Variants in ERBB4 observed in about 807,000 individuals in gnomAD.
ERBB4 encodes the protein receptor tyrosine-protein kinase erbB-4.
In ERBB4, 42 loss-of-function variants were observed where a neutral mutation model predicts 158.0. The observed-to-expected ratio is 0.27, with a 90% CI of 0.21 to 0.34. The LOEUF is 0.34. ERBB4 is among the 10% of genes least tolerant of loss of function. The probability of loss-of-function intolerance (pLI) is 1.00; values close to 1 mark genes in which losing one functional copy is unlikely to be tolerated. For missense variants in ERBB4, 1,333 were observed against 1,624.1 expected (o/e 0.82, Z 3.08); for synonymous variants, 583 against 558.7 (o/e 1.04, Z -0.61).
intron 3 of ERBB4, among the ~76,000 whole-genome samples, chr2:211,857,752 G>C (rs1020151637): frequency 3.9e-5 from 6 of 152,166 alleles, no homozygotes; most frequent in African/African-American, 1.4e-4. Flanking sequence ...AGGTATACAT[G>C]AGATTATAGG....
At chr2:211,640,042 AATAGCC>A (rs1436238985) in intron 16 of ERBB4, among the ~76,000 whole-genome samples, 1 of 152,078 alleles carries the variant, frequency 6.6e-6, no homozygotes, top group Non-Finnish European at 1.5e-5. Context: ...TTTTTAAAGT[AATAGCC>A]TGGTTTGTTT....
chr2:211,842,695 C>T lies in ERBB4; in HGVS notation c.422-54536G>A, dbSNP rs567676906. Among the ~76,000 whole-genome samples, 5 of 152,164 alleles carry T rather than the reference C, an allele frequency of 3.3e-5. No homozygotes were observed. In the East Asian group the frequency reaches 7.7e-4, roughly 23 times the overall value. On this transcript the variant is annotated intron_variant, in intron 3 of 27. Coordinates refer to ENST00000342788, the MANE Select transcript of ERBB4 (RefSeq NM_005235.3). The stretch of plus-strand genomic sequence containing the variant: ...ATCACCTCACCTCCCGCCACTGACA[C>T]AAACACTGAGTTTATTTATATTCAA...
intron 22 of ERBB4, among the ~76,000 whole-genome samples, 198 bp from the exon 23 acceptor site, chr2:211,424,499 T>G (rs921222031): frequency 6.6e-6 from 1 of 152,082 alleles, no homozygotes; most frequent in African/African-American, 2.4e-5. Context: ...TTCAATTTTC[T>G]TATTATTGTC....
At chr2:211,561,517 G>A (rs2067391490) in intron 20 of ERBB4, among the ~76,000 whole-genome samples, 1 of 152,066 alleles carries the variant, frequency 6.6e-6, no homozygotes, top group Non-Finnish European at 1.5e-5. Context: ...AAACATAAAG[G>A]CTATTTTTAA....
chr2:212,354,369 G>A lies in ERBB4; in HGVS notation c.82+184080C>T, dbSNP rs115041428. The stretch of plus-strand genomic sequence containing the variant: ...TTATTAATAGGTCATAAGGAAAGGC[G>A]GCCAAAGCCTGAGCATGAGGGGTGC... On this transcript the variant is annotated intron_variant, in intron 1 of 27. Transcript: ENST00000342788. Among the ~76,000 whole-genome samples, 1,358 of 152,132 alleles carry A rather than the reference G, an allele frequency of 8.9e-3. 24 individuals carry two copies. The highest frequency in any genetic ancestry group is 0.031 in the African/African-American group (1,282 of 41,520).
chr2:212,236,240 T>C (rs6742273), intron 1 of ERBB4, among the ~76,000 whole-genome samples: 72,489 of 152,014 alleles, frequency 0.48, 17,704 homozygotes, highest in East Asian at 0.76. Context: ...GTTTTTGTCA[T>C]TGGTTTTGTT....
intron 1 of ERBB4, among the ~76,000 whole-genome samples, chr2:212,361,621 G>A (rs578028234): frequency 3.7e-4 from 56 of 151,816 alleles, no homozygotes; most frequent in Admixed American, 1.1e-3. Context: ...ATGGTTAGAA[G>A]AAAGCTTTTC....
At chr2:211,826,459 T>C (rs540137548) in intron 3 of ERBB4, among the ~76,000 whole-genome samples, 2 of 151,986 alleles carry the variant, frequency 1.3e-5, no homozygotes, top group South Asian at 4.1e-4. Flanking sequence ...TTTCCATCCA[T>C]AGCCCTTATT....
chr2:211,416,303 C>G (rs774698870), intron 25 of ERBB4, among the ~76,000 whole-genome samples: 2 of 151,604 alleles, frequency 1.3e-5, no homozygotes, highest in Non-Finnish European at 2.9e-5. Context: ...ACTCAAAAGA[C>G]CAAACTTAGC....
chr2:211,976,793 T>A (rs1195140779), intron 2 of ERBB4, among the ~76,000 whole-genome samples: 4 of 152,136 alleles, frequency 2.6e-5, no homozygotes, highest in African/African-American at 9.7e-5. Flanking sequence ...CTACAATGGC[T>A]AAGCTAAAAA....
chr2:212,124,740 C>T lies in ERBB4; in HGVS notation c.234+12G>A, dbSNP rs759595647. 2.5e-6 allele frequency: 4 copies of T among 1,613,970 alleles called. No homozygotes were observed. The highest frequency in any genetic ancestry group is 1.7e-5 in the Admixed American group (1 of 59,994). On this transcript the variant is annotated intron_variant, in intron 2 of 27. Transcript: ENST00000342788. ...CCATTCACAAAGAAGAGAAAGAAAG[C>T]CACAGCTTTACCCGCAGGAAGGAGA...
chr2:211,674,358 C>T (rs1332772427), intron 13 of ERBB4, among the ~76,000 whole-genome samples: 2 of 151,996 alleles, frequency 1.3e-5, no homozygotes, highest in Admixed American at 6.6e-5. Flanking sequence ...CATTTGAATA[C>T]TGTAAAGCCT....
rs549936113 is a variant in ERBB4, at chr2:211,415,736, A to AACTT, written c.3135+4701_3135+4704dup. ...CATATTTTTAGCAGTCAAGATACTC[A>AACTT]ACTTACATTCAATGACTTAGAAATT... On this transcript the variant is annotated intron_variant, in intron 25 of 27. Coordinates refer to ENST00000342788, the MANE Select transcript of ERBB4 (RefSeq NM_005235.3). 1.3e-3 allele frequency among the ~76,000 whole-genome samples: 191 copies of AACTT among 152,360 alleles called. 6 individuals are homozygous for AACTT. In the East Asian group the frequency reaches 0.032, roughly 26 times the overall value.
At chr2:211,979,157 A>G (rs1050437305) in intron 2 of ERBB4, among the ~76,000 whole-genome samples, 11 of 152,136 alleles carry the variant, frequency 7.2e-5, no homozygotes, top group African/African-American at 2.2e-4. Context: ...CCATCTCTCC[A>G]CAGTATATGA....
intron 12 of ERBB4, among the ~76,000 whole-genome samples, chr2:211,694,155 A>G (rs2072923785): frequency 6.6e-6 from 1 of 152,192 alleles, no homozygotes; most frequent in Non-Finnish European, 1.5e-5. Flanking sequence ...ATTCATAGAT[A>G]CCAGGGGTCA....
At chr2:211,682,050 T>TCACACACACACACACA (rs60803024) in intron 12 of ERBB4, among the ~76,000 whole-genome samples, 6 of 134,400 alleles carry the variant, frequency 4.5e-5, no homozygotes, top group African/African-American at 1.7e-4. Context: ...TTTATACACA[T>TCACACACACACACACA]CACACACACA....
chr2:212,103,647 A>C (rs2079144937), intron 2 of ERBB4, among the ~76,000 whole-genome samples: 1 of 152,012 alleles, frequency 6.6e-6, no homozygotes, highest in Admixed American at 6.6e-5. Flanking sequence ...TCTCAGTTGC[A>C]TAGGGAATGG....
At chr2:211,679,651 G>A (rs1162819425) in intron 12 of ERBB4, among the ~76,000 whole-genome samples, 1 of 147,504 alleles carries the variant, frequency 6.8e-6, no homozygotes, top group East Asian at 2.0e-4. Context: ...AGGGTAAGAA[G>A]GGGAGAAAGG....
chr2:211,850,655 A>G (rs980508744), intron 3 of ERBB4, among the ~76,000 whole-genome samples: 1 of 151,844 alleles, frequency 6.6e-6, no homozygotes, highest in Non-Finnish European at 1.5e-5. Flanking sequence ...GTCATGTATG[A>G]TTAGAAGGAG....
Sources: gnomAD v4.1 joint callset for allele counts (sites outside exome capture counted in the v4.1 genomes callset) on GRCh38, gnomAD v4.1.1 for gene constraint, MANE v1.5 for transcripts, NCBI Gene and HGNC (gene_info 2026-07-23, HGNC 2026-07-21) for gene names.